Variants in NRBF2 observed in about 807,000 individuals in gnomAD.
NRBF2 encodes the protein nuclear receptor binding factor 2.
In NRBF2, 12 loss-of-function variants were observed where a neutral mutation model predicts 28.5. The observed-to-expected ratio is 0.42, with a 90% confidence interval of 0.27 to 0.68. The LOEUF (loss-of-function observed/expected upper bound fraction) is 0.68, where lower values mean the gene tolerates loss of function less well. NRBF2 is among the 30% of genes least tolerant of loss of function. The probability of loss-of-function intolerance (pLI) is 0.24; values close to 1 mark genes in which losing one functional copy is unlikely to be tolerated. For missense variants in NRBF2, 274 were observed against 333.5 expected, an observed-to-expected ratio of 0.82 and a Z score of 1.39; for synonymous variants, 102 against 116.5, an observed-to-expected ratio of 0.88 and a Z score of 0.80.
Position 63,144,053 on chromosome 10 carries a change from C to G in NRBF2, c.31-2156C>G, listed in dbSNP as rs539057925. On this transcript the variant is annotated intron_variant, in intron 1 of 3. Transcript: ENST00000277746. The stretch of plus-strand genomic sequence containing the variant: ...GATTATAGGCATGAGCCACAGCACC[C>G]AGCCACTTTTTACCTTTTTTAAGTG... 1.0e-3 allele frequency among the ~76,000 whole-genome samples: 152 copies of G among 152,170 alleles called. 2 individuals are homozygous for G. The Middle Eastern group carries it at 0.024, about 24-fold the overall frequency.
intron 2 of NRBF2, among the ~76,000 whole-genome samples, chr10:63,147,017 G>A (rs936022288): frequency 6.6e-6 from 1 of 152,098 alleles, no homozygotes; most frequent in Non-Finnish European, 1.5e-5. Context: ...GTAGTGGTAA[G>A]TATAAAAATA....
chr10:63,142,752 C>T (rs2132683881), intron 1 of NRBF2, among the ~76,000 whole-genome samples: 1 of 140,464 alleles, frequency 7.1e-6, no homozygotes, highest in East Asian at 2.0e-4. Context: ...ATTTTAAGCC[C>T]CCAGTCATTT....
chr10:63,134,195 A>G (rs1368721182), intron 1 of NRBF2, among the ~76,000 whole-genome samples: 1 of 152,142 alleles, frequency 6.6e-6, no homozygotes, highest in African/African-American at 2.4e-5. Context: ...AATGGCTGAT[A>G]GCCTGTTTAC....
intron 2 of NRBF2, among the ~76,000 whole-genome samples, chr10:63,149,634 A>G (rs77648527): frequency 0.01 from 1,560 of 152,284 alleles, 36 homozygotes; most frequent in African/African-American, 0.035. Flanking sequence ...AAAATGCCCC[A>G]CTTATAAGAT....
chr10:63,145,455 T>C (rs1316151627), intron 1 of NRBF2, among the ~76,000 whole-genome samples: 2 of 152,290 alleles, frequency 1.3e-5, no homozygotes, highest in Middle Eastern at 3.4e-3. Context: ...ATGATCCGCC[T>C]GCCTCAGCCT....
chr10:63,134,641 C>T (rs1841347233), intron 1 of NRBF2, among the ~76,000 whole-genome samples: 1 of 152,196 alleles, frequency 6.6e-6, no homozygotes, highest in Non-Finnish European at 1.5e-5. Context: ...AGGTGTAAAG[C>T]ACTTAGAACT....
In NRBF2 at chr10:63,133,583, C is replaced by T. The variant is rs545961218; in HGVS notation, c.30+83C>T. The T allele has an allele frequency of 9.3e-5, 99 of 1,066,038 alleles. No individual in the cohort carries two copies. The South Asian group carries it at 1.2e-3, about 13-fold the overall frequency. The allele number at this position is 1,066,038 out of a possible 1,614,324, so 66.0% of individuals were successfully genotyped here. A position where few individuals can be genotyped will look rare whatever the true frequency, so the allele number is the denominator to read the frequency against. On this transcript the variant is annotated intron_variant, in intron 1 of 3. Transcript: ENST00000277746. ...CCCCGTCCCCGGCGCGTCGGCTAAC[C>T]CTTTAGGCTGGGAGGTTGGTTTGGC...
intron 1 of NRBF2, among the ~76,000 whole-genome samples, chr10:63,137,599 T>A (rs554035408): frequency 7.9e-5 from 12 of 152,304 alleles, no homozygotes; most frequent in African/African-American, 2.9e-4. Flanking sequence ...TCCAGAGTGG[T>A]CAGTTCTCAC....
At chr10:63,138,637 G>A (rs916395361) in intron 1 of NRBF2, among the ~76,000 whole-genome samples, 4 of 151,516 alleles carry the variant, frequency 2.6e-5, no homozygotes, top group Non-Finnish European at 4.4e-5. Flanking sequence ...CCAGGTACTC[G>A]GGAGGCTGAG....
intron 1 of NRBF2, among the ~76,000 whole-genome samples, chr10:63,139,834 C>T (rs1017650631): frequency 2.1e-4 from 32 of 152,104 alleles, no homozygotes; most frequent in Admixed American, 1.8e-3. Flanking sequence ...ATCCAGACGA[C>T]AAGGTAATAC....
At chr10:63,138,743 CAAA>C (rs894650031) in intron 1 of NRBF2, among the ~76,000 whole-genome samples, 2 of 117,636 alleles carry the variant, frequency 1.7e-5, no homozygotes, top group African/African-American at 3.3e-5. Context: ...GACTCTGTCT[CAAA>C]AAAAAAAAAA....
chr10:63,152,114 GAC>G, intron 2 of NRBF2, 34 bp from the exon 3 acceptor site: 1 of 1,524,476 alleles, frequency 6.6e-7, no homozygotes. Context: ...ACAAAATGAA[GAC>G]ACATATTAAC....
At chr10:63,141,964 T>C (rs1401035964) in intron 1 of NRBF2, among the ~76,000 whole-genome samples, 1 of 152,218 alleles carries the variant, frequency 6.6e-6, no homozygotes, top group African/African-American at 2.4e-5. Flanking sequence ...GATTGGACTC[T>C]ACATGGGGAT....
intron 2 of NRBF2, among the ~76,000 whole-genome samples, chr10:63,146,554 T>G (rs777864413): frequency 5.3e-5 from 8 of 152,250 alleles, no homozygotes; most frequent in Non-Finnish European, 1.0e-4. Context: ...AAACAGGAGC[T>G]GATTGTAACA....
At chr10:63,149,310 G>C (rs766663149) in intron 2 of NRBF2, among the ~76,000 whole-genome samples, 6 of 152,136 alleles carry the variant, frequency 3.9e-5, no homozygotes, top group Non-Finnish European at 5.9e-5. Flanking sequence ...TAGAGACAGG[G>C]TTTCTACCTT....
chr10:63,149,208 C>T (rs1384842798), intron 2 of NRBF2, among the ~76,000 whole-genome samples: 1 of 152,162 alleles, frequency 6.6e-6, no homozygotes, highest in African/African-American at 2.4e-5. Flanking sequence ...CCTCCGCCTC[C>T]CAGGCTCAAG....
At chr10:63,144,175 G>T (rs1470125541) in intron 1 of NRBF2, among the ~76,000 whole-genome samples, 3 of 152,082 alleles carry the variant, frequency 2.0e-5, no homozygotes, top group Non-Finnish European at 1.5e-5. Flanking sequence ...CAAATGTCCA[G>T]AATTTTTTCA....
At chr10:63,144,439 C>T (rs1268636870) in intron 1 of NRBF2, among the ~76,000 whole-genome samples, 1 of 141,918 alleles carries the variant, frequency 7.0e-6, no homozygotes, top group African/African-American at 2.6e-5. Flanking sequence ...TTTTGAGACA[C>T]AGTCTCGCTC....
At chr10:63,134,431 C>G (rs1841343612) in intron 1 of NRBF2, among the ~76,000 whole-genome samples, 2 of 152,170 alleles carry the variant, frequency 1.3e-5, no homozygotes, top group Admixed American at 1.3e-4. Context: ...TGAAAGAAAG[C>G]TCTATAGAGG....
Sources: gnomAD v4.1 joint callset for allele counts (sites outside exome capture counted in the v4.1 genomes callset) on GRCh38, gnomAD v4.1.1 for gene constraint, MANE v1.5 for transcripts, NCBI Gene and HGNC (gene_info 2026-07-23, HGNC 2026-07-21) for gene names.